Variants in HECTD2 observed in about 807,000 individuals in gnomAD.
HECTD2 encodes probable E3 ubiquitin-protein ligase HECTD2.
A neutral mutation model predicts 103.2 loss-of-function variants in HECTD2; 35 were observed. The ratio of observed to expected loss-of-function variants is 0.34; its 90% CI spans 0.26 to 0.45. The LOEUF (loss-of-function observed/expected upper bound fraction) is 0.45. Among genes scored for constraint, HECTD2 ranks in the 20% least tolerant of loss-of-function variants. The pLI is 1.00. For missense variants in HECTD2, 596 were observed against 937.4 expected (o/e 0.64, Z 4.76); for synonymous variants, 281 against 329.9 (o/e 0.85, Z 1.61).
intron 2 of HECTD2, among the ~76,000 whole-genome samples, chr10:91,456,796 G>C (rs1177472591): frequency 6.6e-6 from 1 of 151,992 alleles, no homozygotes; most frequent in Admixed American, 6.6e-5. Flanking sequence ...TTAGCTCACG[G>C]ACGTAGGAAA....
At chr10:91,501,663 T>A (rs954116265) in intron 20 of HECTD2, among the ~76,000 whole-genome samples, 14 of 152,098 alleles carry the variant, frequency 9.2e-5, no homozygotes, top group African/African-American at 2.9e-4. Flanking sequence ...GTGTTTTTTA[T>A]TTTTAGGAAA....
At chr10:91,508,054 A>C (rs1847265591) in intron 20 of HECTD2, among the ~76,000 whole-genome samples, 2 of 120,402 alleles carry the variant, frequency 1.7e-5, no homozygotes, top group African/African-American at 4.8e-5. Flanking sequence ...GGTGCTGGGA[A>C]AACTGGCTAG....
At chr10:91,414,429 C>T (rs756946583) in intron 1 of HECTD2, among the ~76,000 whole-genome samples, 2 of 152,182 alleles carry the variant, frequency 1.3e-5, no homozygotes, top group Non-Finnish European at 2.9e-5. Context: ...CAAAATGTAA[C>T]TACCAATTAT....
intron 7 of HECTD2, among the ~76,000 whole-genome samples, chr10:91,481,592 A>AT (rs1273521999): frequency 6.6e-6 from 1 of 151,666 alleles, no homozygotes; most frequent in East Asian, 1.9e-4. Flanking sequence ...TTATGGAAAG[A>AT]TAAAAGGTTT....
Position 91,432,637 on chromosome 10 carries a change from A to G in HECTD2, c.268+7227A>G, listed in dbSNP as rs143774911. Among the ~76,000 whole-genome samples the G allele has an allele frequency of 8.5e-3, 1,277 of 150,482 alleles. 12 individuals carry two copies. Among genetic ancestry groups the G allele is most frequent in the Admixed American group, 0.026 (389 of 15,240 alleles). On this transcript the variant is annotated intron_variant, in intron 2 of 20. Coordinates refer to ENST00000298068, the MANE Select transcript of HECTD2 (RefSeq NM_182765.6). ...TTTTTAAGTAGCACAGAATATCTTT[A>G]AAAGAAATGAAGCAATTCTTCCCCA...
At chr10:91,466,837 G>C (rs1845547866) in intron 5 of HECTD2, among the ~76,000 whole-genome samples, 1 of 152,130 alleles carries the variant, frequency 6.6e-6, no homozygotes, top group South Asian at 2.1e-4. Context: ...GAGATACCAA[G>C]TCACAAAAAG....
chr10:91,459,944 C>T (rs550977305), intron 2 of HECTD2, among the ~76,000 whole-genome samples: 3 of 152,144 alleles, frequency 2.0e-5, no homozygotes, highest in Non-Finnish European at 4.4e-5. Flanking sequence ...GCTATACCAT[C>T]TAGGTTTGTG....
chr10:91,430,249 T>A (rs1013532432), intron 2 of HECTD2, among the ~76,000 whole-genome samples: 4 of 151,888 alleles, frequency 2.6e-5, no homozygotes, highest in African/African-American at 9.7e-5. Context: ...AGAGACAGTT[T>A]GTTATAATTT....
chr10:91,497,992 A>G (rs184509570), intron 15 of HECTD2, 116 bp from the exon 16 acceptor site: 236 of 680,008 alleles, frequency 3.5e-4, no homozygotes, highest in Middle Eastern at 2.4e-3. Context: ...GTGCCCTGGA[A>G]AATACATGTC....
chr10:91,431,781 C>G (rs1843887358), intron 2 of HECTD2, among the ~76,000 whole-genome samples: 1 of 152,032 alleles, frequency 6.6e-6, no homozygotes, highest in African/African-American at 2.4e-5. Context: ...ATATATTCTT[C>G]TAAAATTTTT....
chr10:91,457,612 T>G (rs1467926860), intron 2 of HECTD2, among the ~76,000 whole-genome samples: 1 of 151,862 alleles, frequency 6.6e-6, no homozygotes, highest in Non-Finnish European at 1.5e-5. Context: ...ATGAAAAAAA[T>G]TAAAACTCCC....
intron 14 of HECTD2, 97 bp from the exon 15 acceptor site, chr10:91,496,117 A>C (rs1846653538): frequency 4.2e-6 from 3 of 708,422 alleles, no homozygotes; most frequent in Non-Finnish European, 6.8e-6. Context: ...TCAGTGTTAA[A>C]TCTGAAAGAA....
At chr10:91,419,552 T>G (rs1367485149) in intron 1 of HECTD2, among the ~76,000 whole-genome samples, 1 of 152,210 alleles carries the variant, frequency 6.6e-6, no homozygotes, top group Non-Finnish European at 1.5e-5. Flanking sequence ...TTAGTTATTG[T>G]AATTACTACG....
intron 20 of HECTD2, among the ~76,000 whole-genome samples, chr10:91,508,760 C>T (rs1249996738): frequency 6.7e-6 from 1 of 148,270 alleles, no homozygotes; most frequent in East Asian, 1.9e-4. Context: ...TTGACCCAGC[C>T]ATCCCATTAC....
At chr10:91,462,478 C>T (rs41286932) in intron 5 of HECTD2, 1 of 1,184,438 alleles carries the variant, frequency 8.4e-7, no homozygotes. Flanking sequence ...TGGAATTACA[C>T]TGAATCTGTA....
At chr10:91,510,646 C>G (rs1169262689) in intron 20 of HECTD2, among the ~76,000 whole-genome samples, 1 of 152,164 alleles carries the variant, frequency 6.6e-6, no homozygotes, top group African/African-American at 2.4e-5. Context: ...GCATGAAACA[C>G]TGGCATAAAA....
At chr10:91,461,377 C>G in intron 4 of HECTD2, 21 bp downstream of exon 4, 1 of 1,119,150 alleles carries the variant, frequency 8.9e-7, no homozygotes, top group South Asian at 1.5e-5. Flanking sequence ...ATAAAACACA[C>G]TTTTCATTTC....
At chr10:91,477,183 G>A (rs757865040) in intron 5 of HECTD2, among the ~76,000 whole-genome samples, 6 of 147,598 alleles carry the variant, frequency 4.1e-5, no homozygotes, top group Non-Finnish European at 6.0e-5. Context: ...GCGAGACTCC[G>A]TCTCAAAAAA....
At chr10:91,418,865 G>C (rs1357616491) in intron 1 of HECTD2, among the ~76,000 whole-genome samples, 1 of 152,046 alleles carries the variant, frequency 6.6e-6, no homozygotes, top group Non-Finnish European at 1.5e-5. Context: ...ATAAATATAT[G>C]TTTATTTATC....
Sources: gnomAD v4.1 joint callset for allele counts (sites outside exome capture counted in the v4.1 genomes callset) on GRCh38, gnomAD v4.1.1 for gene constraint, MANE v1.5 for transcripts, NCBI Gene and HGNC (gene_info 2026-07-23, HGNC 2026-07-21) for gene names.